The following WDR70 variants were observed in gnomAD, a reference collection of about 807,000 sequenced individuals.
The protein encoded by WDR70 is WD repeat domain 70, also known as WD repeat-containing protein 70.
In WDR70, 53 loss-of-function variants were observed where a neutral mutation model predicts 88.6. The observed-to-expected ratio is 0.60, with a 90% CI of 0.48 to 0.75. The LOEUF (loss-of-function observed/expected upper bound fraction) is 0.75, where lower values mean the gene tolerates loss of function less well. Among genes scored for constraint, WDR70 ranks in the 30% least tolerant of loss-of-function variants. WDR70 has a pLI of 0.00. For missense variants in WDR70, 610 were observed against 823.2 expected, an observed-to-expected ratio of 0.74 and a Z score of 3.17; for synonymous variants, 280 against 270.0, an observed-to-expected ratio of 1.04 and a Z score of -0.36.
At chr5:37,605,016 C>T (rs1386815558) in intron 9 of WDR70, 48 bp from the exon 10 acceptor site, 3 of 1,452,846 alleles carry the variant, frequency 2.1e-6, no homozygotes, top group Non-Finnish European at 9.1e-7. Context: ...CCTCCCCCCT[C>T]CTTCTTTTTT....
At chr5:37,683,916 A>T (rs1250795229) in intron 10 of WDR70, among the ~76,000 whole-genome samples, 3 of 152,128 alleles carry the variant, frequency 2.0e-5, no homozygotes, top group Admixed American at 6.5e-5. Flanking sequence ...GTTCTCATGG[A>T]TGATATCCTG....
At chr5:37,703,770 G>C (rs1313236116) in intron 13 of WDR70, among the ~76,000 whole-genome samples, 1 of 152,154 alleles carries the variant, frequency 6.6e-6, no homozygotes, top group Non-Finnish European at 1.5e-5. Context: ...ATTCCTTTAA[G>C]CTGTATATTA....
chr5:37,569,777 A>G (rs543753472), intron 9 of WDR70, among the ~76,000 whole-genome samples: 1 of 152,326 alleles, frequency 6.6e-6, no homozygotes, highest in South Asian at 2.1e-4. Context: ...TGATAGGAAC[A>G]CATAAGAGGA....
At chr5:37,631,422 T>G in intron 10 of WDR70, among the ~76,000 whole-genome samples, 1 of 152,188 alleles carries the variant, frequency 6.6e-6, no homozygotes, top group Non-Finnish European at 1.5e-5. Context: ...GTAACAATAG[T>G]GGTGATAACA....
chr5:37,616,410 A>C (rs1187992039), intron 10 of WDR70, among the ~76,000 whole-genome samples: 1 of 152,138 alleles, frequency 6.6e-6, no homozygotes, highest in African/African-American at 2.4e-5. Context: ...ACCCAGCCTA[A>C]ATCAAAAAAC....
chr5:37,552,500 G>A (rs1352642042), intron 9 of WDR70, among the ~76,000 whole-genome samples: 3 of 152,164 alleles, frequency 2.0e-5, no homozygotes, highest in Non-Finnish European at 4.4e-5. Context: ...CTTTCATTAG[G>A]AAGGACTTTG....
intron 10 of WDR70, among the ~76,000 whole-genome samples, chr5:37,692,419 G>T (rs1746826719): frequency 6.6e-6 from 1 of 151,998 alleles, no homozygotes; most frequent in African/African-American, 2.4e-5. Flanking sequence ...AACAAAAAAA[G>T]AATTTTAGAC....
intron 9 of WDR70, among the ~76,000 whole-genome samples, chr5:37,598,264 A>G (rs1462272903): frequency 2.6e-5 from 4 of 152,252 alleles, no homozygotes; most frequent in Non-Finnish European, 5.9e-5. Flanking sequence ...CATCACAAAT[A>G]CCAGATGATA....
Position 37,379,523 on chromosome 5 carries a change from G to T in WDR70, c.60G>T (p.Gln20His). Reference sequence around the variant, plus strand: ...CAGACGCGTCGGGACCGGACCCGCAGCTTGCGGTCACCATGGGCTTCACGG... The same window carrying T: ...CAGACGCGTCGGGACCGGACCCGCATCTTGCGGTCACCATGGGCTTCACGG... ...TGSDASGPDPQLAVTMGFTGF... is the reference protein window; with the variant it reads ...TGSDASGPDPHLAVTMGFTGF... The change falls in exon 2 of 18, where the codon CAG becomes CAT. Residue 20 changes from glutamine to histidine, a missense_variant. Gln to His is a conservative substitution (Grantham distance 24). This residue lies in a region of WDR70 where 203 missense variants were observed against 228.1 expected (regional missense o/e 0.89). Transcript: ENST00000265107. 2 of 1,614,030 alleles carry T rather than the reference G, an allele frequency of 1.2e-6. No individual in the cohort carries two copies. The highest frequency in any genetic ancestry group is 1.7e-6 in the Non-Finnish European group (2 of 1,179,876).
intron 9 of WDR70, among the ~76,000 whole-genome samples, chr5:37,526,350 A>T (rs946390733): frequency 6.6e-6 from 1 of 152,220 alleles, no homozygotes; most frequent in African/African-American, 2.4e-5. Flanking sequence ...AATAAACGTA[A>T]TCCATCATAT....
chr5:37,586,292 T>G (rs1743362743), intron 9 of WDR70, among the ~76,000 whole-genome samples: 1 of 152,238 alleles, frequency 6.6e-6, no homozygotes, highest in African/African-American at 2.4e-5. Context: ...CCCTTATCAT[T>G]CTACTGACAT....
At chr5:37,457,183 C>T (rs1470286669) in intron 7 of WDR70, among the ~76,000 whole-genome samples, 3 of 152,078 alleles carry the variant, frequency 2.0e-5, no homozygotes, top group Admixed American at 6.6e-5. Context: ...ACAACCTCCA[C>T]CTCCTGGGTT....
chr5:37,421,385 C>T (rs1223632844), intron 5 of WDR70, among the ~76,000 whole-genome samples: 1 of 152,230 alleles, frequency 6.6e-6, no homozygotes, highest in Non-Finnish European at 1.5e-5. Flanking sequence ...ATACTTAGTA[C>T]ACCTCTATTC....
chr5:37,687,534 A>G (rs1405106313), intron 10 of WDR70, among the ~76,000 whole-genome samples: 2 of 152,198 alleles, frequency 1.3e-5, no homozygotes, highest in Non-Finnish European at 2.9e-5. Context: ...ATAAATAATG[A>G]ATTCTAAAAG....
intron 9 of WDR70, among the ~76,000 whole-genome samples, chr5:37,528,214 G>T (rs1741361668): frequency 1.3e-5 from 2 of 152,074 alleles, no homozygotes; most frequent in South Asian, 2.1e-4. Flanking sequence ...CAATAGCAAA[G>T]ACTTGGAACC....
intron 9 of WDR70, among the ~76,000 whole-genome samples, chr5:37,549,727 A>C (rs1742088956): frequency 1.3e-5 from 2 of 152,202 alleles, no homozygotes; most frequent in African/African-American, 4.8e-5. Context: ...TTTTGAAGGA[A>C]AAGGCTTTCA....
chr5:37,410,085 T>C (rs536971740), intron 5 of WDR70, among the ~76,000 whole-genome samples: 58 of 152,056 alleles, frequency 3.8e-4, no homozygotes, highest in African/African-American at 1.3e-3. Context: ...TTTGCTATGA[T>C]GCACAGGCTG....
chr5:37,396,713 C>A (rs534428310), intron 5 of WDR70, 143 bp downstream of exon 5: 33 of 1,349,808 alleles, frequency 2.4e-5, no homozygotes, highest in South Asian at 2.1e-4. Flanking sequence ...CACCTGTAAT[C>A]CCAGTTACTT....
intron 10 of WDR70, among the ~76,000 whole-genome samples, chr5:37,615,947 C>G (rs947868075): frequency 1.3e-5 from 2 of 152,176 alleles, no homozygotes; most frequent in African/African-American, 4.8e-5. Flanking sequence ...ACCCTTCTCT[C>G]TCCGTGTTCT....
Sources: allele counts gnomAD v4.1 joint callset (sites outside exome capture counted in the v4.1 genomes callset), GRCh38; gene constraint gnomAD v4.1.1; regional missense constraint gnomAD v4.1.1; transcripts MANE v1.5; gene names NCBI Gene and HGNC (gene_info 2026-07-23, HGNC 2026-07-21).